The following DDX31 variants were observed in gnomAD, a reference collection of about 807,000 sequenced individuals.
DDX31 encodes DEAD-box helicase 31.
A neutral mutation model predicts 91.3 loss-of-function variants in DDX31; 70 were observed. The observed-to-expected ratio is 0.77, with a 90% CI of 0.63 to 0.94. The LOEUF (loss-of-function observed/expected upper bound fraction) is 0.94, where lower values mean the gene tolerates loss of function less well. DDX31 is among the 40% of genes least tolerant of loss of function. The probability of loss-of-function intolerance (pLI) is 0.00; values close to 1 mark genes in which losing one functional copy is unlikely to be tolerated. For missense variants in DDX31, 902 were observed against 925.0 expected, an observed-to-expected ratio of 0.98 and a Z score of 0.32; for synonymous variants, 362 against 350.6, an observed-to-expected ratio of 1.03 and a Z score of -0.36.
chr9:132,594,913 T>G lies in DDX31; in HGVS notation c.2194A>C (p.Thr732Pro). Reference protein sequence around the residue: ...GRGKTLKWRKTQKGVQRDSKT... With the variant: ...GRGKTLKWRKPQKGVQRDSKT... ...CTGTCCCGCTGTACACCTTTTTGGG[T>G]TTTTCTCCATTTTAATGTTTTCCCA... The change falls in exon 20 of 20, where the codon ACC becomes CCC. Residue 732 changes from threonine (T) to proline (P), a missense_variant. Thr to Pro is a conservative substitution (Grantham distance 38). Transcript: ENST00000372159. 1 of 1,613,946 alleles carries G rather than the reference T, an allele frequency of 6.2e-7. No individual in the cohort carries two copies. The highest frequency in any genetic ancestry group is 8.5e-7 in the Non-Finnish European group (1 of 1,179,998).
chr9:132,601,003 A>T (rs1320013772), intron 19 of DDX31, among the ~76,000 whole-genome samples: 1 of 152,190 alleles, frequency 6.6e-6, no homozygotes, highest in Non-Finnish European at 1.5e-5. Flanking sequence ...GTTAAGATGG[A>T]GAATACAGGG....
intron 1 of DDX31, among the ~76,000 whole-genome samples, chr9:132,667,039 G>A (rs1438993934): frequency 6.6e-6 from 1 of 150,992 alleles, no homozygotes; most frequent in Non-Finnish European, 1.5e-5. Context: ...AGTAGAGATG[G>A]GGTTTCACCG....
chr9:132,642,480 GA>G (rs1285805577), intron 13 of DDX31, among the ~76,000 whole-genome samples: 3 of 152,092 alleles, frequency 2.0e-5, no homozygotes, highest in Non-Finnish European at 4.4e-5. Flanking sequence ...TAAAAGATTA[GA>G]TATTTATAAA....
Position 132,593,850 on chromosome 9 carries a change from A to G in DDX31, c.*1016T>C, listed in dbSNP as rs1184454227. The G allele has an allele frequency of 6.6e-6, 1 of 152,570 alleles. No homozygotes were observed. Among genetic ancestry groups the G allele is most frequent in the Non-Finnish European group, 1.5e-5 (1 of 68,386 alleles). 9.5% of individuals were successfully genotyped at this position (152,570 alleles called of 1,614,324 possible). On this transcript the variant is annotated 3_prime_UTR_variant, in exon 20 of 20. Coordinates refer to ENST00000372159, the MANE Select transcript of DDX31 (RefSeq NM_022779.9). Reference sequence around the variant, plus strand: ...GTCACTGCAGAGGAGAAGGAAACTGAGAAGGCAAGACACAGTGGAGAGGAC... The same window carrying G: ...GTCACTGCAGAGGAGAAGGAAACTGGGAAGGCAAGACACAGTGGAGAGGAC...
chr9:132,625,330 C>A lies in DDX31; in HGVS notation c.1713+334G>T, dbSNP rs1408648285. Among the ~76,000 whole-genome samples, 7 of 152,140 alleles carry A rather than the reference C, an allele frequency of 4.6e-5. No individual in the cohort carries two copies. In the East Asian group the frequency reaches 9.7e-4, roughly 21 times the overall value. ...AGGCAGGTCTAGGCAGCCGTCCTTGCTGAGAATCTGGACAGGGACCACCGG... is the reference window on the plus strand; with the variant it reads ...AGGCAGGTCTAGGCAGCCGTCCTTGATGAGAATCTGGACAGGGACCACCGG... On this transcript the variant is annotated intron_variant, in intron 17 of 19. Coordinates refer to ENST00000372159, the MANE Select transcript of DDX31 (RefSeq NM_022779.9).
At chr9:132,669,657 C>A in intron 1 of DDX31, 2 of 1,532,398 alleles carry the variant, frequency 1.3e-6, no homozygotes, top group Non-Finnish European at 1.7e-6. Context: ...CTCCACTCCC[C>A]GCTTCCAGGC....
intron 16 of DDX31, among the ~76,000 whole-genome samples, chr9:132,628,323 G>A (rs1397178668): frequency 1.3e-5 from 2 of 152,136 alleles, no homozygotes; most frequent in Non-Finnish European, 2.9e-5. Context: ...CTCCCCAAAA[G>A]ACCTACTTCC....
In DDX31 at chr9:132,662,560, G is replaced by C. The variant is rs1461592145; in HGVS notation, c.211C>G (p.Gln71Glu). ...TGCTTCTTTGGAGAAAACATTTTTT[G>C]TGCGTTCCCCTTAAAAGTCCTCTGA... is the stretch of plus-strand genomic sequence containing the variant. Reference protein sequence around the residue: ...ETQRTFKGNAQKMFSPKKHSV... With the variant: ...ETQRTFKGNAEKMFSPKKHSV... Residue 71 changes from glutamine (Q) to glutamate (E), a missense_variant, in exon 2 of 20, where the codon CAA becomes GAA. Physicochemically the swap from Gln to Glu is conservative, Grantham distance 29 (BLOSUM62 2). Transcript: ENST00000372159. 2 of 1,614,128 alleles carry C rather than the reference G, an allele frequency of 1.2e-6. No individual in the cohort carries two copies. Among genetic ancestry groups the C allele is most frequent in the Non-Finnish European group, 1.7e-6 (2 of 1,180,016 alleles).
At chr9:132,634,737 G>C (rs1833002262) in intron 14 of DDX31, among the ~76,000 whole-genome samples, 1 of 151,870 alleles carries the variant, frequency 6.6e-6, no homozygotes, top group Non-Finnish European at 1.5e-5. Flanking sequence ...GACGACCAGA[G>C]GTAAGTTCCG....
intron 19 of DDX31, among the ~76,000 whole-genome samples, chr9:132,602,443 A>C (rs1468625255): frequency 3.9e-4 from 60 of 152,262 alleles, no homozygotes; most frequent in African/African-American, 1.4e-3. Flanking sequence ...AAGGCTGCAC[A>C]TTCCTTACCC....
At chr9:132,607,368 CT>C (rs757109495) in intron 19 of DDX31, among the ~76,000 whole-genome samples, 3 of 152,236 alleles carry the variant, frequency 2.0e-5, no homozygotes, top group Non-Finnish European at 4.4e-5. Context: ...ACAAATAAAA[CT>C]TTTCTTTCCA....
intron 14 of DDX31, among the ~76,000 whole-genome samples, chr9:132,637,198 T>C (rs1833172899): frequency 6.6e-6 from 1 of 152,146 alleles, no homozygotes; most frequent in African/African-American, 2.4e-5. Context: ...TCCATCTCCC[T>C]GGAGCACAGT....
rs763548201 is a variant in DDX31, at chr9:132,594,062, G to C, written c.*804C>G. ...GGCGGGGGGCGGGCAGCTGTGGCCT[G>C]GGTCACAATACAAAGACCCCCAGAC... On this transcript the variant is annotated 3_prime_UTR_variant, in exon 20 of 20. Transcript: ENST00000372159. 4.6e-5 allele frequency: 7 copies of C among 152,022 alleles called. No homozygotes were observed. Among genetic ancestry groups the C allele is most frequent in the Non-Finnish European group, 8.8e-5 (6 of 68,008 alleles). The allele number at this position is 152,022 out of a possible 1,614,324, so 9.4% of individuals were successfully genotyped here.
chr9:132,646,862 C>A lies in DDX31; in HGVS notation c.1164G>T (p.Arg388Ser). The change falls in exon 12 of 20, where the codon AGG (arginine) becomes AGT (serine). Residue 388 changes from arginine (R) to serine (S), a missense_variant. Coordinates refer to ENST00000372159, the MANE Select transcript of DDX31 (RefSeq NM_022779.9). ...QHVTVVPSKLRLVCLAAFILQ... is the reference protein window; with the variant it reads ...QHVTVVPSKLSLVCLAAFILQ... The stretch of plus-strand genomic sequence containing the variant: ...GGATGAAGGCCGCTAGGCAGACAAG[C>A]CTCAGTTTGCTGGGAACCACAGTCA... The A allele has an allele frequency of 6.2e-7, 1 of 1,614,164 alleles. No homozygotes were observed. Among genetic ancestry groups the A allele is most frequent in the Non-Finnish European group, 8.5e-7 (1 of 1,180,024 alleles).
At position 132,612,105 on chromosome 9, in the gene DDX31, C is replaced by T; in HGVS notation, c.1976G>A (p.Arg659Lys). ...ATCTTACCTTTTCACGTGTGCTTTC[C>T]TCTTCTTTCTAGTCAAGGCACTAAG... is the stretch of plus-strand genomic sequence containing the variant. ...RNLSALTRKK[R>K]KAHVKRPDLH... The change falls in exon 19 of 20, where the codon AGG (arginine) becomes AAG (lysine). Residue 659 changes from arginine to lysine, a missense_variant. Coordinates refer to ENST00000372159, the MANE Select transcript of DDX31 (RefSeq NM_022779.9). 1 of 1,613,986 alleles carries T rather than the reference C, an allele frequency of 6.2e-7. No homozygotes were observed. Among genetic ancestry groups the T allele is most frequent in the South Asian group, 1.1e-5 (1 of 91,082 alleles).
chr9:132,626,108 A>AT (rs1432081469), intron 16 of DDX31, among the ~76,000 whole-genome samples: 2 of 151,236 alleles, frequency 1.3e-5, no homozygotes, highest in Middle Eastern at 3.4e-3. Flanking sequence ...AAATAGAAGC[A>AT]TTTTGGTCTC....
intron 9 of DDX31, among the ~76,000 whole-genome samples, chr9:132,648,792 A>G (rs193165907): frequency 8.9e-4 from 136 of 152,318 alleles, no homozygotes; most frequent in African/African-American, 3.2e-3. Flanking sequence ...TAACTTTGAA[A>G]GGGATCATAA....
chr9:132,663,273 C>T (rs1266250983), intron 1 of DDX31: 1 of 1,289,080 alleles, frequency 7.8e-7, no homozygotes, highest in Non-Finnish European at 1.0e-6. Context: ...CAAGCTGCTC[C>T]TCCAGATTCA....
intron 17 of DDX31, among the ~76,000 whole-genome samples, chr9:132,623,086 C>T (rs1409641014): frequency 6.7e-5 from 10 of 150,308 alleles, no homozygotes; most frequent in African/African-American, 1.5e-4. Context: ...GCTGAGGTCA[C>T]GCCAGTGCAT....
Sources: gnomAD v4.1 joint callset for allele counts (sites outside exome capture counted in the v4.1 genomes callset) on GRCh38, gnomAD v4.1.1 for gene constraint, MANE v1.5 for transcripts, NCBI Gene and HGNC (gene_info 2026-07-23, HGNC 2026-07-21) for gene names.